Variants in C10orf143 observed in about 807,000 individuals in gnomAD.
C10orf143 encodes the protein uncharacterized protein C10orf143.
At chr10:130,082,776 C>T (rs1376681148) in intron 1 of C10orf143, among the ~76,000 whole-genome samples, 1 of 152,154 alleles carries the variant, frequency 6.6e-6, no homozygotes, top group African/African-American at 2.4e-5. Context: ...AAACCAGATG[C>T]ATTAGGGACC....
chr10:130,070,203 G>T (rs1041080248), intron 3 of C10orf143, among the ~76,000 whole-genome samples: 64 of 152,134 alleles, frequency 4.2e-4, no homozygotes, highest in Non-Finnish European at 6.8e-4. Context: ...GGAGCTTTTT[G>T]ATAACCTTCC....
intron 1 of C10orf143, among the ~76,000 whole-genome samples, chr10:130,109,192 C>G (rs1564974321): frequency 6.6e-6 from 1 of 152,300 alleles, no homozygotes; most frequent in East Asian, 1.9e-4. Context: ...GCCTTGCCTC[C>G]CTGCCTGCAC....
At chr10:130,048,262 G>T (rs1361039477) in intron 3 of C10orf143, among the ~76,000 whole-genome samples, 2 of 152,224 alleles carry the variant, frequency 1.3e-5, no homozygotes, top group Non-Finnish European at 1.5e-5. Context: ...AGGCCCAGGG[G>T]AAAGATGACC....
intron 3 of C10orf143, among the ~76,000 whole-genome samples, chr10:130,053,086 A>C (rs1860754702): frequency 6.6e-6 from 1 of 152,090 alleles, no homozygotes; most frequent in Non-Finnish European, 1.5e-5. Context: ...TTGGAGATGG[A>C]GTCTTGCTCT....
At chr10:130,078,070 T>C (rs924235631) in intron 3 of C10orf143, among the ~76,000 whole-genome samples, 27 of 152,246 alleles carry the variant, frequency 1.8e-4, no homozygotes, top group African/African-American at 6.3e-4. Flanking sequence ...TTTCTGCTCA[T>C]AGATTCATTT....
intron 1 of C10orf143, among the ~76,000 whole-genome samples, chr10:130,105,739 C>CG (rs971248223): frequency 2.4e-4 from 37 of 152,176 alleles, no homozygotes; most frequent in African/African-American, 8.7e-4. Flanking sequence ...CCCCTCCCCC[C>CG]CCAAACAAAA....
At chr10:130,042,502 T>C (rs1456830037) in intron 3 of C10orf143, among the ~76,000 whole-genome samples, 3 of 152,222 alleles carry the variant, frequency 2.0e-5, no homozygotes, top group Admixed American at 1.3e-4. Flanking sequence ...TGTTTGCTGG[T>C]TGGAGCGCGG....
At position 130,106,127 on chromosome 10, in the gene C10orf143, G is replaced by A. The variant is rs187602488; in HGVS notation, c.69+4577C>T. ...ACGCAGGGTTGTGGCAGCGCTGCCTGAAAGTATGAGACTGGATTCGAATCC... is the reference window on the plus strand; with the variant it reads ...ACGCAGGGTTGTGGCAGCGCTGCCTAAAAGTATGAGACTGGATTCGAATCC... On this transcript the variant is annotated intron_variant, in intron 1 of 3. Coordinates refer to ENST00000637128, the MANE Select transcript of C10orf143 (RefSeq NM_001355042.2). 4.0e-4 allele frequency: 286 copies of A among 715,072 alleles called. 1 individual carries two copies. The African/African-American group carries it at 4.4e-3, about 11-fold the overall frequency. 44.3% of individuals were successfully genotyped at this position (715,072 alleles called of 1,614,324 possible). A position where few individuals can be genotyped will look rare whatever the true frequency, so the allele number is the denominator to read the frequency against.
chr10:130,084,694 T>C (rs1187879839), intron 1 of C10orf143, among the ~76,000 whole-genome samples: 1 of 152,186 alleles, frequency 6.6e-6, no homozygotes, highest in Non-Finnish European at 1.5e-5. Context: ...ATATCCTAGC[T>C]GTGTCCACTA....
chr10:130,098,659 G>A (rs1861499341), intron 1 of C10orf143, among the ~76,000 whole-genome samples: 1 of 152,224 alleles, frequency 6.6e-6, no homozygotes, highest in Non-Finnish European at 1.5e-5. Context: ...CAGAAGCCAA[G>A]GCAGAGTCCT....
At chr10:130,091,223 A>AAC (rs1861376952) in intron 1 of C10orf143, among the ~76,000 whole-genome samples, 1 of 152,222 alleles carries the variant, frequency 6.6e-6, no homozygotes, top group South Asian at 2.1e-4. Flanking sequence ...CAGAAGAAGG[A>AAC]ACAGGCAGCA....
At chr10:130,046,824 C>G (rs145942140) in intron 3 of C10orf143, among the ~76,000 whole-genome samples, 1 of 152,366 alleles carries the variant, frequency 6.6e-6, no homozygotes, top group Non-Finnish European at 1.5e-5. Flanking sequence ...CTAGGCCTAA[C>G]TCTCCCAGGA....
At chr10:130,060,147 C>T (rs1411655322), downstream of C10orf143, among the ~76,000 whole-genome samples, 3 of 151,976 alleles carry the variant, frequency 2.0e-5, no homozygotes, top group Non-Finnish European at 4.4e-5. Flanking sequence ...TTTGTCCTGC[C>T]TACTTTTGTG....
chr10:130,040,962 G>A (rs1860600262), intron 3 of C10orf143, among the ~76,000 whole-genome samples: 1 of 152,188 alleles, frequency 6.6e-6, no homozygotes, highest in Non-Finnish European at 1.5e-5. Context: ...GGCATGAACC[G>A]GCATGGGAAG....
intron 3 of C10orf143, among the ~76,000 whole-genome samples, chr10:130,075,597 G>C (rs1590019593): frequency 2.6e-5 from 4 of 152,282 alleles, no homozygotes; most frequent in African/African-American, 9.6e-5. Context: ...GAAGCCAAAC[G>C]GGGGAGCTGA....
chr10:130,081,336 CAGG>C (rs1861204835), intron 1 of C10orf143, among the ~76,000 whole-genome samples: 1 of 151,994 alleles, frequency 6.6e-6, no homozygotes, highest in African/African-American at 2.4e-5. Context: ...ACAAAGACTA[CAGG>C]AGATGTGAGC....
At chr10:130,083,265 G>A (rs1861236671) in intron 1 of C10orf143, among the ~76,000 whole-genome samples, 1 of 152,210 alleles carries the variant, frequency 6.6e-6, no homozygotes, top group Admixed American at 6.5e-5. Context: ...ATTGTAGAAT[G>A]TGGTGTAGCC....
intron 3 of C10orf143, among the ~76,000 whole-genome samples, chr10:130,073,530 C>A (rs1299750204): frequency 2.0e-5 from 3 of 152,142 alleles, no homozygotes; most frequent in Admixed American, 1.3e-4. Flanking sequence ...AACAAGTACC[C>A]AGACCCAGGA....
At chr10:130,078,116 A>G (rs1861149173) in intron 3 of C10orf143, among the ~76,000 whole-genome samples, 1 of 152,260 alleles carries the variant, frequency 6.6e-6, no homozygotes, top group African/African-American at 2.4e-5. Flanking sequence ...TTGGGGAATT[A>G]CAAAGAAAGG....
Sources: allele counts gnomAD v4.1 joint callset (sites outside exome capture counted in the v4.1 genomes callset), GRCh38; gene constraint gnomAD v4.1.1; transcripts MANE v1.5; gene names NCBI Gene and HGNC (gene_info 2026-07-23, HGNC 2026-07-21).